Variants in CACNA2D3 observed in about 807,000 individuals in gnomAD.
The protein encoded by CACNA2D3 is voltage-dependent calcium channel subunit alpha-2/delta-3.
In CACNA2D3, 60 loss-of-function variants were observed where a neutral mutation model predicts 160.6. That is an observed-to-expected ratio of 0.37 (90% CI 0.30 to 0.46). The LOEUF (loss-of-function observed/expected upper bound fraction) is 0.46. Ranked by LOEUF, CACNA2D3 falls within the 20% of genes least tolerant of loss-of-function variation. CACNA2D3 has a pLI of 1.00. For missense variants in CACNA2D3, 1,205 were observed against 1,365.0 expected (o/e 0.88, Z 1.85); for synonymous variants, 558 against 492.9 (o/e 1.13, Z -1.75).
intron 11 of CACNA2D3, among the ~76,000 whole-genome samples, chr3:54,657,374 A>G (rs767725005): frequency 9.2e-5 from 14 of 152,032 alleles, no homozygotes; most frequent in Non-Finnish European, 2.1e-4. Flanking sequence ...TGTTTTTGTG[A>G]TTAGAACACT....
intron 29 of CACNA2D3, among the ~76,000 whole-genome samples, chr3:54,977,946 A>G (rs1012402494): frequency 2.0e-4 from 30 of 152,192 alleles, no homozygotes; most frequent in Non-Finnish European, 4.0e-4. Flanking sequence ...TATGCTAAAC[A>G]ATGGGTGGAT....
chr3:54,442,710 C>G (rs1700163121), intron 4 of CACNA2D3, among the ~76,000 whole-genome samples: 1 of 152,144 alleles, frequency 6.6e-6, no homozygotes, highest in South Asian at 2.1e-4. Flanking sequence ...TTCAGTAGTT[C>G]CCTAAGTCAG....
chr3:54,925,667 T>C (rs966955057), intron 27 of CACNA2D3, among the ~76,000 whole-genome samples: 1 of 152,240 alleles, frequency 6.6e-6, no homozygotes, highest in Non-Finnish European at 1.5e-5. Context: ...TCTGTGATGA[T>C]AGAAGTGTCC....
At chr3:54,390,288 T>C (rs950832978) in intron 4 of CACNA2D3, among the ~76,000 whole-genome samples, 1 of 152,200 alleles carries the variant, frequency 6.6e-6, no homozygotes, top group Admixed American at 6.5e-5. Context: ...ATTTCCGAAG[T>C]TTTACAGTAA....
intron 29 of CACNA2D3, among the ~76,000 whole-genome samples, chr3:54,971,960 G>A (rs966005633): frequency 6.6e-6 from 1 of 152,052 alleles, no homozygotes; most frequent in Non-Finnish European, 1.5e-5. Flanking sequence ...GCATGGTATG[G>A]CTCCTGGAAA....
intron 2 of CACNA2D3, among the ~76,000 whole-genome samples, chr3:54,265,694 G>GTATATATATATAGTGTGT (rs1559901454): frequency 6.9e-6 from 1 of 145,142 alleles, no homozygotes; most frequent in African/African-American, 2.5e-5. Context: ...ATATAGTGTG[G>GTATATATATATAGTGTGT]GTATATATAG....
At chr3:54,862,078 A>C (rs1015711969) in intron 17 of CACNA2D3, among the ~76,000 whole-genome samples, 2 of 152,202 alleles carry the variant, frequency 1.3e-5, no homozygotes, top group African/African-American at 4.8e-5. Context: ...GACAAGAACC[A>C]GCTCAGTTTG....
chr3:54,610,886 C>T (rs1376314777), intron 9 of CACNA2D3, among the ~76,000 whole-genome samples: 1 of 152,216 alleles, frequency 6.6e-6, no homozygotes, highest in Non-Finnish European at 1.5e-5. Flanking sequence ...GCCTTGGCCT[C>T]CCAAAATGCT....
chr3:54,571,032 G>A (rs1702487997), intron 8 of CACNA2D3, among the ~76,000 whole-genome samples: 1 of 152,130 alleles, frequency 6.6e-6, no homozygotes, highest in Admixed American at 6.5e-5. Flanking sequence ...GGAGACATGA[G>A]ACTTCAGTCA....
chr3:54,498,500 C>T (rs563166276), intron 4 of CACNA2D3, among the ~76,000 whole-genome samples: 1 of 152,044 alleles, frequency 6.6e-6, no homozygotes, highest in African/African-American at 2.4e-5. Flanking sequence ...ACTAGAATTT[C>T]ATAATTTTGT....
intron 29 of CACNA2D3, among the ~76,000 whole-genome samples, chr3:54,983,554 C>G (rs1702552129): frequency 6.6e-6 from 1 of 152,194 alleles, no homozygotes; most frequent in Non-Finnish European, 1.5e-5. Flanking sequence ...CTGCTGTTCA[C>G]CAGAGCAGCC....
At chr3:54,982,467 C>A (rs1407155545) in intron 29 of CACNA2D3, among the ~76,000 whole-genome samples, 2 of 152,140 alleles carry the variant, frequency 1.3e-5, no homozygotes, top group African/African-American at 4.8e-5. Flanking sequence ...TCAACTGGTG[C>A]ATGCAGATGA....
In CACNA2D3 at chr3:54,289,354, C is replaced by T. The variant is rs557241711; in HGVS notation, c.205-31088C>T. On this transcript the variant is annotated intron_variant, in intron 2 of 37. Transcript: ENST00000474759. ...ACCTAGGAATCCAACTTACAAGGGACATGAAGGACCTCTTCAAGGAGAACT... is the reference window on the plus strand; with the variant it reads ...ACCTAGGAATCCAACTTACAAGGGATATGAAGGACCTCTTCAAGGAGAACT... 2.2e-3 allele frequency among the ~76,000 whole-genome samples: 340 copies of T among 151,974 alleles called. 3 individuals carry two copies. The highest frequency in any genetic ancestry group is 7.1e-3 in the African/African-American group (294 of 41,428).
rs57778359 is a variant in CACNA2D3, at chr3:54,957,166, C to CT, written c.2450-11270dup. 1.0e-4 allele frequency among the ~76,000 whole-genome samples: 15 copies of CT among 148,814 alleles called. No individual in the cohort carries two copies. In the East Asian group the frequency reaches 1.4e-3, roughly 14 times the overall value. ...ATGAATCAAGTTATAAAATAATTTTCTTTTTTTTTTTTTTAGAGACAGGGT... is the reference window on the plus strand; with the variant it reads ...ATGAATCAAGTTATAAAATAATTTTCTTTTTTTTTTTTTTTAGAGACAGGGT... On this transcript the variant is annotated intron_variant, in intron 27 of 37. Transcript: ENST00000474759.
At chr3:54,987,267 A>G (rs61088742) in intron 30 of CACNA2D3, among the ~76,000 whole-genome samples, 2,729 of 152,318 alleles carry the variant, frequency 0.018, 85 homozygotes, top group African/African-American at 0.062. Flanking sequence ...CAGGTCGTCC[A>G]GGAATTATAA....
intron 2 of CACNA2D3, among the ~76,000 whole-genome samples, chr3:54,264,461 A>C (rs1015085522): frequency 1.3e-5 from 2 of 152,200 alleles, no homozygotes; most frequent in South Asian, 4.1e-4. Context: ...GAAGGCTCAG[A>C]TCAAGGGAGC....
At chr3:54,564,876 T>A (rs1469235239) in intron 6 of CACNA2D3, among the ~76,000 whole-genome samples, 1 of 152,154 alleles carries the variant, frequency 6.6e-6, no homozygotes, top group East Asian at 1.9e-4. Flanking sequence ...TAATTTGAAA[T>A]CTAGGGAGTG....
chr3:54,822,832 T>TTTTCTTTCTTTCTTTCTTTC (rs60981421), intron 14 of CACNA2D3, among the ~76,000 whole-genome samples: 5 of 57,982 alleles, frequency 8.6e-5, no homozygotes, highest in African/African-American at 4.4e-4. Flanking sequence ...TCTTTCTTTC[T>TTTTCTTTCTTTCTTTCTTTC]TTTCTTTCTT....
At chr3:54,826,134 A>G (rs1423747897) in intron 14 of CACNA2D3, among the ~76,000 whole-genome samples, 5 of 152,206 alleles carry the variant, frequency 3.3e-5, no homozygotes, top group Admixed American at 6.5e-5. Flanking sequence ...TGAGCCACAT[A>G]TTTAATGGTC....
Sources: allele counts gnomAD v4.1 joint callset (sites outside exome capture counted in the v4.1 genomes callset), GRCh38; gene constraint gnomAD v4.1.1; transcripts MANE v1.5; gene names NCBI Gene and HGNC (gene_info 2026-07-23, HGNC 2026-07-21).